The following FBXL20 variants were observed in gnomAD, a reference collection of about 807,000 sequenced individuals.
The protein encoded by FBXL20 is F-box/LRR-repeat protein 20.
Under a neutral mutation model 64.0 loss-of-function variants are expected in FBXL20, and 11 were observed. The observed-to-expected ratio is 0.17, with a 90% CI of 0.11 to 0.28. The LOEUF is 0.28. FBXL20 is among the 10% of genes least tolerant of loss of function. FBXL20 has a pLI of 1.00. For missense variants in FBXL20, 303 were observed against 526.2 expected (o/e 0.58, Z 4.15); for synonymous variants, 184 against 189.0 (o/e 0.97, Z 0.22).
intron 2 of FBXL20, among the ~76,000 whole-genome samples, chr17:39,312,885 T>C (rs188475047): frequency 8.2e-4 from 122 of 149,038 alleles, no homozygotes; most frequent in African/African-American, 2.8e-3. Context: ...CTAAATTCTA[T>C]TTATTCCATA....
intron 1 of FBXL20, among the ~76,000 whole-genome samples, chr17:39,350,103 C>T (rs961655438): frequency 2.0e-5 from 3 of 152,180 alleles, no homozygotes; most frequent in Non-Finnish European, 4.4e-5. Context: ...TGCCACATCT[C>T]ACCTAATAAG....
At chr17:39,355,855 CAAAAA>C (rs746086439) in intron 1 of FBXL20, among the ~76,000 whole-genome samples, 1 of 67,616 alleles carries the variant, frequency 1.5e-5, no homozygotes. Flanking sequence ...GACTTCGTCT[CAAAAA>C]AAAAAAAAAA....
At chr17:39,311,861 A>G (rs961646331) in intron 2 of FBXL20, among the ~76,000 whole-genome samples, 3 of 152,140 alleles carry the variant, frequency 2.0e-5, no homozygotes, top group Non-Finnish European at 4.4e-5. Context: ...GACTTTAGTA[A>G]CCTTTCAAGA....
intron 2 of FBXL20, among the ~76,000 whole-genome samples, chr17:39,325,203 C>CA (rs1243816475): frequency 1.1e-4 from 17 of 151,414 alleles, no homozygotes; most frequent in African/African-American, 2.7e-4. Flanking sequence ...GACCCTGTCT[C>CA]AAAAAAAATA....
At chr17:39,266,893 C>T (rs1226242936) in intron 12 of FBXL20, among the ~76,000 whole-genome samples, 2 of 152,110 alleles carry the variant, frequency 1.3e-5, no homozygotes, top group African/African-American at 4.8e-5. Flanking sequence ...GTGGCTTGCG[C>T]CTATAGTCCC....
rs768702308 is a variant in FBXL20 at position 39,297,185 on chromosome 17, G to C, written c.340C>G (p.Gln114Glu). ...VGDNALRTFA[Q>E]NCRNIEVLNL... ...AGTACTTCAATGTTCCTGCAGTTTT[G>C]TGCAAAGGTTCTTTGTAGGAAAGAA... Residue 114 changes from glutamine to glutamate, a missense_variant, in exon 6 of 15, where the codon CAA (glutamine) becomes GAA (glutamate). Coordinates refer to ENST00000264658, the MANE Select transcript of FBXL20 (RefSeq NM_032875.3). 2.5e-6 allele frequency: 4 copies of C among 1,608,916 alleles called. No individual in the cohort carries two copies.
intron 2 of FBXL20, among the ~76,000 whole-genome samples, chr17:39,324,008 A>ACCCCCCC (rs138382317): frequency 1.9e-4 from 25 of 129,024 alleles, no homozygotes; most frequent in African/African-American, 3.4e-4. Flanking sequence ...TCGTGATCCA[A>ACCCCCCC]CCCCCTCCCC....
chr17:39,381,723 G>A (rs567914566), intron 1 of FBXL20, among the ~76,000 whole-genome samples: 2 of 150,548 alleles, frequency 1.3e-5, no homozygotes, highest in African/African-American at 2.4e-5. Context: ...CGGTGGAGAG[G>A]TTTAGGCTGT....
intron 2 of FBXL20, among the ~76,000 whole-genome samples, chr17:39,329,672 A>G (rs6503500): frequency 0.21 from 32,569 of 151,950 alleles, 4,012 homozygotes; most frequent in African/African-American, 0.33. Context: ...CATCATGTCT[A>G]TAACTTATCT....
chr17:39,275,043 G>C lies in FBXL20; in HGVS notation c.754C>G (p.Leu252Val). The C allele has an allele frequency of 6.2e-7, 1 of 1,614,064 alleles. No individual in the cohort carries two copies. Among genetic ancestry groups the C allele is most frequent in the Admixed American group, 1.7e-5 (1 of 60,002 alleles). Residue 252 changes from leucine to valine, a missense_variant, in exon 10 of 15, where the codon CTT becomes GTT. Leu to Val is a conservative substitution (Grantham distance 32, BLOSUM62 1). This residue lies in a region of FBXL20 where 246 missense variants were observed against 422.6 expected (regional missense o/e 0.58). Transcript: ENST00000264658. Reference sequence around the variant, plus strand: ...ATGTTGGAGCAGCCAGAGGCACAAAGGGATTGTAACTTATGGCACCCTCTG... The same window carrying C: ...ATGTTGGAGCAGCCAGAGGCACAAACGGATTGTAACTTATGGCACCCTCTG... ...ICRGCHKLQSLCASGCSNITD... is the reference protein window; with the variant it reads ...ICRGCHKLQSVCASGCSNITD...
intron 1 of FBXL20, among the ~76,000 whole-genome samples, chr17:39,378,840 A>C (rs1597830504): frequency 6.6e-6 from 1 of 151,132 alleles, no homozygotes; most frequent in Non-Finnish European, 1.5e-5. Flanking sequence ...CGAACTCCTG[A>C]CCTCAGGTGA....
intron 2 of FBXL20, among the ~76,000 whole-genome samples, chr17:39,306,960 G>A (rs1019935633): frequency 6.6e-6 from 1 of 152,144 alleles, no homozygotes; most frequent in Non-Finnish European, 1.5e-5. Context: ...GAAAATCCCT[G>A]AATAAAAGCC....
chr17:39,334,180 G>C (rs535821497), intron 2 of FBXL20, among the ~76,000 whole-genome samples: 4 of 152,044 alleles, frequency 2.6e-5, no homozygotes, highest in African/African-American at 9.7e-5. Context: ...CCCCAACCCC[G>C]TGCTCTCTGA....
At chr17:39,367,799 T>C (rs578247405) in intron 1 of FBXL20, among the ~76,000 whole-genome samples, 3 of 152,116 alleles carry the variant, frequency 2.0e-5, no homozygotes, top group South Asian at 4.1e-4. Flanking sequence ...TCCATCAGCC[T>C]GGCTGGAAGG....
At chr17:39,391,381 A>G (rs1203419688) in intron 1 of FBXL20, among the ~76,000 whole-genome samples, 3 of 152,166 alleles carry the variant, frequency 2.0e-5, no homozygotes, top group Non-Finnish European at 4.4e-5. Flanking sequence ...AAATCTAAGA[A>G]CACTGGCAAT....
At chr17:39,319,753 T>C (rs866583357) in intron 2 of FBXL20, among the ~76,000 whole-genome samples, 8 of 79,922 alleles carry the variant, frequency 1.0e-4, no homozygotes, top group Non-Finnish European at 7.9e-5. Flanking sequence ...AAAAAAAAAA[T>C]AGAACAGCAG....
At position 39,261,306 on chromosome 17, in the gene FBXL20, G is replaced by A. The variant is rs2046743282; in HGVS notation, c.*154C>T. 3.0e-6 allele frequency: 2 copies of A among 673,378 alleles called. No homozygotes were observed. Among genetic ancestry groups the A allele is most frequent in the South Asian group, 1.6e-5 (1 of 61,526 alleles). 41.7% of individuals were successfully genotyped at this position (673,378 alleles called of 1,614,324 possible). ...TGGATGGGGGTAAGGGTGTGTATGTGTATGTATGTGTGGCTCTGGGGATCT... is the reference window on the plus strand; with the variant it reads ...TGGATGGGGGTAAGGGTGTGTATGTATATGTATGTGTGGCTCTGGGGATCT... On this transcript the variant is annotated 3_prime_UTR_variant, in exon 15 of 15. Transcript: ENST00000264658.
At chr17:39,302,309 C>G (rs1305726069) in intron 3 of FBXL20, among the ~76,000 whole-genome samples, 1 of 151,572 alleles carries the variant, frequency 6.6e-6, no homozygotes, top group African/African-American at 2.4e-5. Flanking sequence ...CTCCCCGACT[C>G]AAGCAATCCT....
chr17:39,332,534 A>ATTTT (rs1250742871), intron 2 of FBXL20, among the ~76,000 whole-genome samples: 1 of 101,428 alleles, frequency 9.9e-6, no homozygotes, highest in Non-Finnish European at 2.0e-5. Context: ...TTTTCTTTGT[A>ATTTT]TCTTTTTTTT....
Sources: allele counts gnomAD v4.1 joint callset (sites outside exome capture counted in the v4.1 genomes callset), GRCh38; gene constraint gnomAD v4.1.1; regional missense constraint gnomAD v4.1.1; transcripts MANE v1.5; gene names NCBI Gene and HGNC (gene_info 2026-07-23, HGNC 2026-07-21).